Variants in RNF103 observed in about 807,000 individuals in gnomAD.
The protein encoded by RNF103 is ring finger protein 103.
Under a neutral mutation model 66.2 loss-of-function variants are expected in RNF103, and 23 were observed. The ratio of observed to expected loss-of-function variants is 0.35; its 90% confidence interval spans 0.25 to 0.49. The LOEUF is 0.49. Among genes scored for constraint, RNF103 ranks in the 20% least tolerant of loss-of-function variants. The pLI is 0.98. For missense variants in RNF103, 730 were observed against 814.7 expected (o/e 0.90, Z 1.27); for synonymous variants, 297 against 289.9 (o/e 1.02, Z -0.25).
In RNF103 at chr2:86,623,326, G is replaced by C. The variant is rs1679310091; in HGVS notation, c.-440C>G. 1 of 985,288 alleles carries C rather than the reference G, an allele frequency of 1.0e-6. No individual in the cohort carries two copies. Among genetic ancestry groups the C allele is most frequent in the East Asian group, 1.1e-4 (1 of 8,774 alleles). The allele number at this position is 985,288 out of a possible 1,614,324, so 61.0% of individuals were successfully genotyped here. Reference sequence around the variant, plus strand: ...GGAGACCAAAAAATAACTCAGATCCGCCCAGGAGGCGGGGATCCGGGCGGC... The same window carrying C: ...GGAGACCAAAAAATAACTCAGATCCCCCCAGGAGGCGGGGATCCGGGCGGC... On this transcript the variant is annotated 5_prime_UTR_variant, in exon 1 of 4. Transcript: ENST00000237455.
intron 2 of RNF103, chr2:86,612,843 A>T (rs1678850334): frequency 6.6e-6 from 1 of 152,254 alleles, no homozygotes; most frequent in African/African-American, 2.4e-5. Flanking sequence ...AACATACAAT[A>T]AGAATTACCA....
intron 3 of RNF103, among the ~76,000 whole-genome samples, chr2:86,607,920 A>G (rs1022683977): frequency 6.6e-6 from 1 of 151,626 alleles, no homozygotes; most frequent in Non-Finnish European, 1.5e-5. Flanking sequence ...AAACAAACAT[A>G]TTATGTGCTT....
chr2:86,613,265 C>G (rs1558685915), intron 2 of RNF103: 1 of 152,150 alleles, frequency 6.6e-6, no homozygotes, highest in African/African-American at 2.4e-5. Context: ...CAAAATATGT[C>G]AAGACTTCTC....
At chr2:86,619,947 T>C (rs753264231) in intron 2 of RNF103, among the ~76,000 whole-genome samples, 2 of 152,116 alleles carry the variant, frequency 1.3e-5, no homozygotes, top group African/African-American at 2.4e-5. Flanking sequence ...TACTTATATA[T>C]AAAAATTACT....
intron 3 of RNF103, 39 bp downstream of exon 3, chr2:86,612,120 G>C: frequency 7.5e-7 from 1 of 1,336,218 alleles, no homozygotes; most frequent in East Asian, 2.3e-5. Flanking sequence ...AAAGATCCTG[G>C]TCAGGACTCA....
chr2:86,619,232 C>A (rs1232440502), intron 2 of RNF103, among the ~76,000 whole-genome samples: 2 of 152,176 alleles, frequency 1.3e-5, no homozygotes, highest in Non-Finnish European at 1.5e-5. Flanking sequence ...CAGTACCAGA[C>A]CTGCAACTAA....
chr2:86,609,697 T>C (rs1389391251), intron 3 of RNF103, among the ~76,000 whole-genome samples: 1 of 152,090 alleles, frequency 6.6e-6, no homozygotes, highest in East Asian at 1.9e-4. Flanking sequence ...GGTATTCTTA[T>C]ACAGCAACAC....
intron 3 of RNF103, among the ~76,000 whole-genome samples, chr2:86,610,640 A>G (rs148941395): frequency 9.8e-5 from 15 of 152,320 alleles, no homozygotes; most frequent in African/African-American, 3.6e-4. Context: ...TATAAACTAT[A>G]ATGTTTGAAA....
At chr2:86,613,934 TAC>T (rs951478912) in intron 2 of RNF103, 4 of 152,120 alleles carry the variant, frequency 2.6e-5, no homozygotes, top group Admixed American at 2.6e-4. Flanking sequence ...GTTTTGATAT[TAC>T]ATTTTTTTTT....
intron 3 of RNF103, among the ~76,000 whole-genome samples, chr2:86,606,541 T>G (rs935156156): frequency 1.8e-4 from 27 of 151,526 alleles, no homozygotes; most frequent in Non-Finnish European, 4.4e-5. Flanking sequence ...CGCGTGCCTG[T>G]AATCCCAGCT....
At chr2:86,609,170 T>C (rs1361592726) in intron 3 of RNF103, among the ~76,000 whole-genome samples, 1 of 152,160 alleles carries the variant, frequency 6.6e-6, no homozygotes, top group Non-Finnish European at 1.5e-5. Flanking sequence ...AATTAGTTCT[T>C]GTGGAAATGG....
chr2:86,603,788 T>A lies in RNF103; in HGVS notation c.*55A>T. ...AACCACAAAAACATTGTGACTAACATTAAAAAGGCAAGCTGTAAGATACTC... is the reference window on the plus strand; with the variant it reads ...AACCACAAAAACATTGTGACTAACAATAAAAAGGCAAGCTGTAAGATACTC... On this transcript the variant is annotated 3_prime_UTR_variant, in exon 4 of 4. Transcript: ENST00000237455. The A allele has an allele frequency of 6.5e-7, 1 of 1,537,814 alleles. No homozygotes were observed. The highest frequency in any genetic ancestry group is 1.3e-5 in the South Asian group (1 of 77,216).
Position 86,605,187 on chromosome 2 carries a change from G to T in RNF103, c.714C>A (p.Tyr238Ter). 1 of 1,613,750 alleles carries T rather than the reference G, an allele frequency of 6.2e-7. No homozygotes were observed. The change falls in exon 4 of 4, where the codon TAC becomes TAA. Residue 238 changes from tyrosine to a stop codon, truncating the protein, a stop_gained. Coordinates refer to ENST00000237455, the MANE Select transcript of RNF103 (RefSeq NM_005667.4). LOFTEE classifies it high-confidence loss of function. Reference sequence around the variant, plus strand: ...GGGGCTGGTCAAGGTTTGCAAATAGGTATATTTTTAACCAATACTGATCAC... The same window carrying T: ...GGGGCTGGTCAAGGTTTGCAAATAGTTATATTTTTAACCAATACTGATCAC... The part of the protein sequence containing the change: ...NKSDQYWLKI[Y>*]LFANLDQPPA...
chr2:86,620,567 T>C (rs2104264598), intron 1 of RNF103, 98 bp from the exon 2 acceptor site: 1 of 1,332,026 alleles, frequency 7.5e-7, no homozygotes, highest in Non-Finnish European at 9.7e-7. Context: ...ATCATGATAT[T>C]GTACTTTCAT....
chr2:86,605,231 T>C lies in RNF103; in HGVS notation c.670A>G (p.Lys224Glu), dbSNP rs763712968. 1.9e-6 allele frequency: 3 copies of C among 1,614,120 alleles called. No homozygotes were observed. The highest frequency in any genetic ancestry group is 2.5e-6 in the Non-Finnish European group (3 of 1,180,034). Residue 224 changes from lysine (K) to glutamate (E), a missense_variant, in exon 4 of 4, where the codon AAA becomes GAA. By Grantham distance (56) the Lys-to-Glu change is moderately conservative. Transcript: ENST00000237455. ...IKTIYNAEHL[K>E]EEWNKSDQYW... ...TGATCACTTTTATTCCATTCTTCTT[T>C]CAAGTGTTCAGCATTATAAATGGTT... is the stretch of plus-strand genomic sequence containing the variant.
At position 86,623,482 on chromosome 2, in the gene RNF103, G is replaced by C; in HGVS notation, c.-596C>G. 1.0e-6 allele frequency: 1 copy of C among 982,556 alleles called. No homozygotes were observed. Among genetic ancestry groups the C allele is most frequent in the Non-Finnish European group, 1.2e-6 (1 of 828,906 alleles). The allele number at this position is 982,556 out of a possible 1,614,324, so 60.9% of individuals were successfully genotyped here. On this transcript the variant is annotated 5_prime_UTR_variant, in exon 1 of 4. Transcript: ENST00000237455. Reference sequence around the variant, plus strand: ...GGAGGAGCGGCCGCCGCAACGCCGCGCCCGAAGCCCAGGCCCCAGGCCCCG... The same window carrying C: ...GGAGGAGCGGCCGCCGCAACGCCGCCCCCGAAGCCCAGGCCCCAGGCCCCG...
chr2:86,614,680 C>CTTTAT (rs1004462890), intron 2 of RNF103: 4 of 843,140 alleles, frequency 4.7e-6, no homozygotes, highest in African/African-American at 1.9e-5. Context: ...GCCTCTTGTT[C>CTTTAT]TTTATTTTAT....
At chr2:86,611,878 G>C (rs932582948) in intron 3 of RNF103, among the ~76,000 whole-genome samples, 1 of 152,034 alleles carries the variant, frequency 6.6e-6, no homozygotes, top group Non-Finnish European at 1.5e-5. Flanking sequence ...AAGGACTAAA[G>C]ACACAATCTT....
At chr2:86,611,849 A>T (rs1678806808) in intron 3 of RNF103, among the ~76,000 whole-genome samples, 1 of 152,160 alleles carries the variant, frequency 6.6e-6, no homozygotes. Context: ...ATCTCTTTGG[A>T]AAAGAAAGGT....
Sources: allele counts gnomAD v4.1 joint callset (sites outside exome capture counted in the v4.1 genomes callset), GRCh38; gene constraint gnomAD v4.1.1; transcripts MANE v1.5; gene names NCBI Gene and HGNC (gene_info 2026-07-23, HGNC 2026-07-21).